The following MAPKAP1 variants were observed in gnomAD, a reference collection of about 807,000 sequenced individuals.
MAPKAP1 encodes MAPK associated protein 1.
Under a neutral mutation model 65.7 loss-of-function variants are expected in MAPKAP1, and 20 were observed. The ratio of observed to expected loss-of-function variants is 0.30; its 90% CI spans 0.21 to 0.44. The LOEUF is 0.44. MAPKAP1 is among the 20% of genes least tolerant of loss of function. MAPKAP1 has a pLI of 1.00. For missense variants in MAPKAP1, 423 were observed against 648.0 expected, an observed-to-expected ratio of 0.65 and a Z score of 3.77; for synonymous variants, 222 against 244.3, an observed-to-expected ratio of 0.91 and a Z score of 0.85.
chr9:125,597,423 G>A (rs1832170236), intron 4 of MAPKAP1, among the ~76,000 whole-genome samples: 1 of 152,068 alleles, frequency 6.6e-6, no homozygotes, highest in Non-Finnish European at 1.5e-5. Flanking sequence ...CTGGGCAACA[G>A]AGCAAGACCC....
At chr9:125,696,585 G>A (rs1835392628) in intron 1 of MAPKAP1, among the ~76,000 whole-genome samples, 1 of 151,310 alleles carries the variant, frequency 6.6e-6, no homozygotes, top group African/African-American at 2.4e-5. Context: ...CAAAACTTGA[G>A]ATATGTCTTA....
At chr9:125,525,908 T>G (rs1829751805) in intron 7 of MAPKAP1, among the ~76,000 whole-genome samples, 4 of 152,108 alleles carry the variant, frequency 2.6e-5, no homozygotes, top group Admixed American at 1.3e-4. Flanking sequence ...AGAGGAAGCA[T>G]GATCTTCTGA....
intron 5 of MAPKAP1, among the ~76,000 whole-genome samples, chr9:125,575,236 C>A (rs1431650268): frequency 6.6e-6 from 1 of 152,030 alleles, no homozygotes; most frequent in African/African-American, 2.4e-5. Flanking sequence ...GGGACATGCA[C>A]CTGTAGTTCT....
intron 8 of MAPKAP1, among the ~76,000 whole-genome samples, chr9:125,501,961 CTT>C (rs1828994509): frequency 6.6e-6 from 1 of 152,020 alleles, no homozygotes; most frequent in Non-Finnish European, 1.5e-5. Flanking sequence ...AGAACCAACT[CTT>C]GATTCTGATG....
At chr9:125,559,954 A>G (rs1406046911) in intron 5 of MAPKAP1, 145 bp from the exon 6 acceptor site, 1 of 723,354 alleles carries the variant, frequency 1.4e-6, no homozygotes, top group African/African-American at 1.8e-5. Flanking sequence ...CCCAAATCCT[A>G]CTTCATTTGA....
At position 125,447,740 on chromosome 9, in the gene MAPKAP1, C is replaced by T. The variant is rs1007962588; in HGVS notation, c.1346-3142G>A. Among the ~76,000 whole-genome samples the T allele has an allele frequency of 4.6e-5, 7 of 152,052 alleles. No homozygotes were observed. The South Asian group carries it at 1.5e-3, about 32-fold the overall frequency. On this transcript the variant is annotated intron_variant, in intron 10 of 11. Coordinates refer to ENST00000265960, the MANE Select transcript of MAPKAP1 (RefSeq NM_001006617.3). The surrounding 1 kb of genome is among the most constrained non-coding windows in gnomAD (Gnocchi z 4.5). ...TAAACGCAGGGAGCTGCCGTGGAGA[C>T]ACCAAGGCAGAAGCACCTGGCCAGA...
chr9:125,613,724 G>A (rs1176498444), intron 4 of MAPKAP1, among the ~76,000 whole-genome samples: 1 of 152,082 alleles, frequency 6.6e-6, no homozygotes, highest in Admixed American at 6.5e-5. Context: ...TTTATTAGCA[G>A]GTTCCGCCAA....
intron 5 of MAPKAP1, among the ~76,000 whole-genome samples, chr9:125,580,622 CATGTATACAT>C (rs1177598274): frequency 1.3e-5 from 2 of 151,412 alleles, no homozygotes; most frequent in African/African-American, 4.9e-5. Context: ...CAACATGGCA[CATGTATACAT>C]ATGTAACAAA....
intron 1 of MAPKAP1, among the ~76,000 whole-genome samples, chr9:125,685,391 G>A (rs367971887): frequency 2.6e-5 from 4 of 152,322 alleles, no homozygotes; most frequent in African/African-American, 9.6e-5. Context: ...AAGCAGAGGG[G>A]AACATGCCTC....
chr9:125,648,272 C>T (rs920564510), intron 4 of MAPKAP1, among the ~76,000 whole-genome samples: 2 of 152,080 alleles, frequency 1.3e-5, no homozygotes, highest in African/African-American at 4.8e-5. Flanking sequence ...GCTAATACTC[C>T]CTAGATCACT....
At chr9:125,596,453 C>T (rs1832128556) in intron 4 of MAPKAP1, 3 of 761,586 alleles carry the variant, frequency 3.9e-6, no homozygotes, top group Admixed American at 1.7e-5. Flanking sequence ...TACAATGATT[C>T]TGGCAATTAC....
chr9:125,552,364 A>T (rs1246440503), intron 6 of MAPKAP1, among the ~76,000 whole-genome samples: 1 of 152,206 alleles, frequency 6.6e-6, no homozygotes, highest in Non-Finnish European at 1.5e-5. Context: ...ACATCAGAAG[A>T]CATCCAATTT....
chr9:125,579,656 T>C (rs926856275), intron 5 of MAPKAP1, among the ~76,000 whole-genome samples: 6 of 152,212 alleles, frequency 3.9e-5, no homozygotes, highest in Admixed American at 6.5e-5. Context: ...CCACTCTTCA[T>C]GTGCATCCAG....
At chr9:125,578,767 C>CA (rs1831527959) in intron 5 of MAPKAP1, among the ~76,000 whole-genome samples, 1 of 152,104 alleles carries the variant, frequency 6.6e-6, no homozygotes. Flanking sequence ...GAAAAGTTAA[C>CA]AGAAACACAC....
intron 4 of MAPKAP1, among the ~76,000 whole-genome samples, chr9:125,599,596 G>GT (rs1300284343): frequency 7.2e-6 from 1 of 139,446 alleles, no homozygotes; most frequent in East Asian, 2.2e-4. Context: ...TATGATAAAT[G>GT]TAAGTCCCTT....
chr9:125,457,390 T>C (rs1853224144), intron 10 of MAPKAP1, among the ~76,000 whole-genome samples: 1 of 152,370 alleles, frequency 6.6e-6, no homozygotes, highest in South Asian at 2.1e-4. Flanking sequence ...AGTTCTTCTT[T>C]TAAGTCCCTG....
At chr9:125,657,459 T>C (rs1834064264) in intron 4 of MAPKAP1, among the ~76,000 whole-genome samples, 192 bp downstream of exon 4, 1 of 152,134 alleles carries the variant, frequency 6.6e-6, no homozygotes. Context: ...CCCAAATATA[T>C]TACTGTGGAA....
At chr9:125,577,348 A>G (rs1831447414) in intron 5 of MAPKAP1, among the ~76,000 whole-genome samples, 1 of 150,088 alleles carries the variant, frequency 6.7e-6, no homozygotes, top group African/African-American at 2.5e-5. Flanking sequence ...GTAAGTGAGG[A>G]GCGTCTCCGC....
At chr9:125,492,932 G>A (rs1395936673) in intron 8 of MAPKAP1, among the ~76,000 whole-genome samples, 1 of 152,166 alleles carries the variant, frequency 6.6e-6, no homozygotes, top group Admixed American at 6.5e-5. Context: ...CGGAATTTAG[G>A]GGGATGGCAG....
Sources: allele counts gnomAD v4.1 joint callset (sites outside exome capture counted in the v4.1 genomes callset), GRCh38; gene constraint gnomAD v4.1.1; non-coding constraint Gnocchi (gnomAD v3.1); transcripts MANE v1.5; gene names NCBI Gene and HGNC (gene_info 2026-07-23, HGNC 2026-07-21).